The following C12orf75 variants were observed in gnomAD, a reference collection of about 807,000 sequenced individuals.
C12orf75 encodes the protein chromosome 12 open reading frame 75.
In C12orf75, 4 loss-of-function variants were observed where a neutral mutation model predicts 11.4. That is an observed-to-expected ratio of 0.35 (90% CI 0.17 to 0.80). The LOEUF is 0.80. C12orf75 is among the 30% of genes least tolerant of loss of function. The probability of loss-of-function intolerance (pLI) is 0.52; values close to 1 mark genes in which losing one functional copy is unlikely to be tolerated. For missense variants in C12orf75, 89 were observed against 80.4 expected (o/e 1.11, Z -0.41); for synonymous variants, 30 against 30.0 (o/e 1.00, Z 0.00).
chr12:105,362,488 A>T (rs2136150799), intron 2 of C12orf75, among the ~76,000 whole-genome samples: 1 of 149,670 alleles, frequency 6.7e-6, no homozygotes, highest in African/African-American at 2.5e-5. Context: ...TAACATGGTG[A>T]AACCTCCTGT....
chr12:105,365,679 C>T (rs1201617112), intron 2 of C12orf75, 128 bp from the exon 3 acceptor site: 5 of 702,730 alleles, frequency 7.1e-6, no homozygotes, highest in Non-Finnish European at 1.3e-5. Flanking sequence ...TGCTCCTCTA[C>T]TTAAGTCTGA....
intron 2 of C12orf75, among the ~76,000 whole-genome samples, chr12:105,364,778 A>G (rs1871413569): frequency 6.6e-6 from 1 of 151,876 alleles, no homozygotes; most frequent in South Asian, 2.1e-4. Flanking sequence ...TAGTGCTTCA[A>G]GGAAAGTGTC....
chr12:105,337,967 G>A (rs1046929462), intron 1 of C12orf75, among the ~76,000 whole-genome samples: 5 of 151,674 alleles, frequency 3.3e-5, no homozygotes, highest in African/African-American at 9.7e-5. Flanking sequence ...GTTAGAGTAA[G>A]AGAAAAAAAA....
rs1892734983 is a variant in C12orf75 at position 105,353,109 on chromosome 12, T to G, written c.71+4483T>G. ...GGTAGGAAATGGCAGAAGCCCAGTT[T>G]AAACTGGCCTAAACAAACAAACACA... is the stretch of plus-strand genomic sequence containing the variant. On this transcript the variant is annotated intron_variant, in intron 2 of 5. Coordinates refer to ENST00000443585, the MANE Select transcript of C12orf75 (RefSeq NM_001145199.2). Among the ~76,000 whole-genome samples the G allele has an allele frequency of 3.9e-5, 6 of 152,304 alleles. 1 individual carries two copies. In the South Asian group the frequency reaches 1.2e-3, roughly 32 times the overall value.
At chr12:105,353,155 G>T (rs188901839) in intron 2 of C12orf75, among the ~76,000 whole-genome samples, 1 of 152,318 alleles carries the variant, frequency 6.6e-6, no homozygotes, top group Non-Finnish European at 1.5e-5. Context: ...TTGGCATGTG[G>T]AGTGGAAAAG....
intron 2 of C12orf75, among the ~76,000 whole-genome samples, chr12:105,361,771 C>T (rs1047172689): frequency 2.6e-5 from 4 of 152,208 alleles, no homozygotes; most frequent in Non-Finnish European, 5.9e-5. Context: ...ACTGGCAGGA[C>T]AGCATTTGGT....
chr12:105,362,539 T>C (rs544087367), intron 2 of C12orf75, among the ~76,000 whole-genome samples: 105 of 145,390 alleles, frequency 7.2e-4, no homozygotes, highest in Admixed American at 4.1e-3. Context: ...TGGTGGCGGG[T>C]GCCTGTAGTC....
chr12:105,359,262 C>G (rs1352958546), intron 2 of C12orf75, among the ~76,000 whole-genome samples: 1 of 152,122 alleles, frequency 6.6e-6, no homozygotes, highest in Non-Finnish European at 1.5e-5. Flanking sequence ...TTTATGGCAC[C>G]TGATCCCTTA....
At chr12:105,355,494 A>G (rs1892768704) in intron 2 of C12orf75, among the ~76,000 whole-genome samples, 1 of 152,134 alleles carries the variant, frequency 6.6e-6, no homozygotes, top group South Asian at 2.1e-4. Context: ...AAATTGACCA[A>G]GATAATGGTG....
intron 2 of C12orf75, among the ~76,000 whole-genome samples, chr12:105,364,837 C>CTT (rs71440583): frequency 2.5e-3 from 313 of 125,608 alleles, no homozygotes; most frequent in Non-Finnish European, 3.2e-3. Context: ...ATATGGACTC[C>CTT]TTTTTTTTTT....
intron 1 of C12orf75, among the ~76,000 whole-genome samples, chr12:105,344,964 G>C (rs1892618698): frequency 6.9e-6 from 1 of 145,104 alleles, no homozygotes; most frequent in Non-Finnish European, 1.5e-5. Context: ...AAAATTCTAA[G>C]CCCCCCCCCA....
chr12:105,348,364 G>C (rs950211635), intron 1 of C12orf75, among the ~76,000 whole-genome samples: 1 of 149,216 alleles, frequency 6.7e-6, no homozygotes, highest in African/African-American at 2.5e-5. Flanking sequence ...GCAGTGAGCC[G>C]AGATTGCATC....
At position 105,364,934 on chromosome 12, in the gene C12orf75, C is replaced by T. The variant is rs1440249866; in HGVS notation, c.72-873C>T. ...TCTGCTCACTGCAACCTCCACCTCC[C>T]GGGTTCAAGGATTCCTGTGCCTCAG... is the stretch of plus-strand genomic sequence containing the variant. On this transcript the variant is annotated intron_variant, in intron 2 of 5. Transcript: ENST00000443585. Among the ~76,000 whole-genome samples the T allele has an allele frequency of 2.6e-5, 4 of 151,424 alleles. No individual in the cohort carries two copies. The South Asian group carries it at 6.3e-4, about 24-fold the overall frequency.
chr12:105,345,574 T>C (rs1364308695), intron 1 of C12orf75, among the ~76,000 whole-genome samples: 1 of 151,750 alleles, frequency 6.6e-6, no homozygotes, highest in Non-Finnish European at 1.5e-5. Flanking sequence ...AGCAAAGCTG[T>C]CGTTTGTGGG....
Position 105,330,853 on chromosome 12 carries a change from C to T in C12orf75, c.-39C>T, listed in dbSNP as rs1892411686. ...GGTCTCCGCCCCCAGGACCCGCGGCCGAGAGCTCCGGAGCGCGGCTTCCCC... is the reference window on the plus strand; with the variant it reads ...GGTCTCCGCCCCCAGGACCCGCGGCTGAGAGCTCCGGAGCGCGGCTTCCCC... On this transcript the variant is annotated 5_prime_UTR_variant, in exon 1 of 6. Coordinates refer to ENST00000443585, the MANE Select transcript of C12orf75 (RefSeq NM_001145199.2). The T allele has an allele frequency of 8.0e-7, 1 of 1,252,448 alleles. No individual in the cohort carries two copies. Among genetic ancestry groups the T allele is most frequent in the Non-Finnish European group, 1.0e-6 (1 of 1,000,124 alleles). 77.6% of individuals were successfully genotyped at this position (1,252,448 alleles called of 1,614,324 possible).
chr12:105,341,396 C>T (rs898843931), intron 1 of C12orf75, among the ~76,000 whole-genome samples: 4 of 152,140 alleles, frequency 2.6e-5, no homozygotes, highest in Non-Finnish European at 5.9e-5. Context: ...TTAGTGTCAG[C>T]CTCCACAGGT....
chr12:105,361,126 G>A (rs544233707), intron 2 of C12orf75, among the ~76,000 whole-genome samples: 1 of 152,032 alleles, frequency 6.6e-6, no homozygotes, highest in Non-Finnish European at 1.5e-5. Flanking sequence ...CAAGAGGGAG[G>A]CTCGTGTGAT....
chr12:105,358,630 C>T (rs1892818954), intron 2 of C12orf75, among the ~76,000 whole-genome samples: 2 of 152,132 alleles, frequency 1.3e-5, no homozygotes, highest in Admixed American at 1.3e-4. Context: ...TCAAATGTTG[C>T]ATTACTTTCC....
chr12:105,348,956 G>C (rs1396272752), intron 2 of C12orf75, among the ~76,000 whole-genome samples: 1 of 152,090 alleles, frequency 6.6e-6, no homozygotes, highest in Non-Finnish European at 1.5e-5. Context: ...TAAGCATGTA[G>C]CTCCTATGAC....
Sources: gnomAD v4.1 joint callset for allele counts (sites outside exome capture counted in the v4.1 genomes callset) on GRCh38, gnomAD v4.1.1 for gene constraint, MANE v1.5 for transcripts, NCBI Gene and HGNC (gene_info 2026-07-23, HGNC 2026-07-21) for gene names.